The following FRRS1L variants were observed in gnomAD, a reference collection of about 807,000 sequenced individuals.
The protein encoded by FRRS1L is ferric chelate reductase 1 like.
FRRS1L carries 22 observed loss-of-function variants against 28.6 expected under a neutral mutation model. The observed-to-expected ratio is 0.77, with a 90% CI of 0.55 to 1.10. FRRS1L has a LOEUF of 1.10. FRRS1L is among the 50% of genes least tolerant of loss of function. The pLI, the probability that FRRS1L is intolerant of heterozygous loss-of-function variation, is 0.00. For missense variants in FRRS1L, 380 were observed against 386.9 expected (o/e 0.98, Z 0.15); for synonymous variants, 158 against 151.4 (o/e 1.04, Z -0.32).
intron 1 of FRRS1L, among the ~76,000 whole-genome samples, chr9:109,163,454 G>A (rs562939519): frequency 6.6e-6 from 1 of 152,236 alleles, no homozygotes; most frequent in Admixed American, 6.5e-5. Context: ...TTAGACAGTG[G>A]GACCCTCAAA....
Position 109,136,317 on chromosome 9 carries a change from C to T in FRRS1L, c.*1138G>A, listed in dbSNP as rs182868468. 4 of 149,706 alleles carry T rather than the reference C, an allele frequency of 2.7e-5. No individual in the cohort carries two copies. Among genetic ancestry groups the T allele is most frequent in the Admixed American group, 2.0e-4 (3 of 14,964 alleles). 9.3% of individuals were successfully genotyped at this position (149,706 alleles called of 1,614,324 possible). ...AATTCACTGTAACCACAGATGAATA[C>T]CTTAGTTTTATAAAATTCAGTGGTA... On this transcript the variant is annotated 3_prime_UTR_variant, in exon 5 of 5. Coordinates refer to ENST00000561981, the MANE Select transcript of FRRS1L (RefSeq NM_014334.4).
In FRRS1L at chr9:109,167,081, G is replaced by A. The variant is rs2118523590; in HGVS notation, c.58C>T (p.Leu20=). The change falls in exon 1 of 5, where the codon CTG becomes TTG. Residue 20 remains leucine (L), a synonymous_variant. Transcript: ENST00000561981. ...GCTGCGCAGGCGGCGGGCCCCGTCAGTAGCAGCAGGAGCAGCGACGCCCAG... is the reference window on the plus strand; with the variant it reads ...GCTGCGCAGGCGGCGGGCCCCGTCAATAGCAGCAGGAGCAGCGACGCCCAG... ...GVWASLLLLL[L]TGPAACAASP... The A allele has an allele frequency of 1.7e-6, 2 of 1,179,938 alleles. No individual in the cohort carries two copies. The highest frequency in any genetic ancestry group is 1.0e-6 in the Non-Finnish European group (1 of 957,488). The allele number at this position is 1,179,938 out of a possible 1,614,324, so 73.1% of individuals were successfully genotyped here. A position where few individuals can be genotyped will look rare whatever the true frequency, so the allele number is the denominator to read the frequency against.
intron 3 of FRRS1L, 30 bp downstream of exon 3, chr9:109,147,021 A>G: frequency 1.2e-6 from 2 of 1,606,396 alleles, no homozygotes; most frequent in Non-Finnish European, 1.7e-6. Context: ...AAAGAGAAAA[A>G]ATCAGCTTCT....
Position 109,130,612 on chromosome 9 carries a change from T to C in FRRS1L, c.*6843A>G, listed in dbSNP as rs1588093760. 3.3e-5 allele frequency: 5 copies of C among 152,212 alleles called. No homozygotes were observed. The highest frequency in any genetic ancestry group is 3.3e-4 in the Admixed American group (5 of 15,280). 9.4% of individuals were successfully genotyped at this position (152,212 alleles called of 1,614,324 possible). On this transcript the variant is annotated 3_prime_UTR_variant, in exon 5 of 5. Coordinates refer to ENST00000561981, the MANE Select transcript of FRRS1L (RefSeq NM_014334.4). Reference sequence around the variant, plus strand: ...ATCACAAACATTAGGTACACAATTGTTATAAAACAAATATAACCTATCAAT... The same window carrying C: ...ATCACAAACATTAGGTACACAATTGCTATAAAACAAATATAACCTATCAAT...
intron 1 of FRRS1L, among the ~76,000 whole-genome samples, chr9:109,154,644 C>T (rs775028528): frequency 1.4e-4 from 22 of 152,188 alleles, no homozygotes; most frequent in Non-Finnish European, 2.8e-4. Context: ...TCAGTCTATA[C>T]AAAGCCAATC....
Position 109,130,720 on chromosome 9 carries a change from T to C in FRRS1L, c.*6735A>G, listed in dbSNP as rs947896473. The stretch of plus-strand genomic sequence containing the variant: ...TATATTAATACTCCTGGAGCCAGAT[T>C]GTTCCAGCATATCAGCATGTCTGTG... On this transcript the variant is annotated 3_prime_UTR_variant, in exon 5 of 5. Transcript: ENST00000561981. 1 of 152,212 alleles carries C rather than the reference T, an allele frequency of 6.6e-6. No individual in the cohort carries two copies. The highest frequency in any genetic ancestry group is 1.5e-5 in the Non-Finnish European group (1 of 68,036). 9.4% of individuals were successfully genotyped at this position (152,212 alleles called of 1,614,324 possible).
chr9:109,163,557 C>T (rs1831505007), intron 1 of FRRS1L, among the ~76,000 whole-genome samples: 1 of 152,148 alleles, frequency 6.6e-6, no homozygotes, highest in Admixed American at 6.5e-5. Flanking sequence ...CAGCATCCTG[C>T]CTCTGGATTT....
At chr9:109,146,197 C>CAACA (rs137988997) in intron 3 of FRRS1L, among the ~76,000 whole-genome samples, 5,413 of 150,566 alleles carry the variant, frequency 0.036, 333 homozygotes, top group African/African-American at 0.12. Flanking sequence ...AACTCTATCT[C>CAACA]AACAAACAAA....
chr9:109,145,495 C>T (rs142618464), intron 3 of FRRS1L, among the ~76,000 whole-genome samples: 180 of 152,208 alleles, frequency 1.2e-3, no homozygotes, highest in African/African-American at 4.2e-3. Context: ...GCCAGGAGTT[C>T]GAGACCAGCC....
At chr9:109,151,370 T>A (rs1286136954) in intron 1 of FRRS1L, 1 of 153,600 alleles carries the variant, frequency 6.5e-6, no homozygotes, top group Non-Finnish European at 1.4e-5. Flanking sequence ...TCACCTGTAT[T>A]TATAGCCACT....
chr9:109,153,416 T>C lies in FRRS1L; in HGVS notation c.239-3696A>G, dbSNP rs544278800. Among the ~76,000 whole-genome samples the C allele has an allele frequency of 5.3e-5, 8 of 152,302 alleles. No individual in the cohort carries two copies. In the South Asian group the frequency reaches 6.2e-4, roughly 12 times the overall value. On this transcript the variant is annotated intron_variant, in intron 1 of 4. Coordinates refer to ENST00000561981, the MANE Select transcript of FRRS1L (RefSeq NM_014334.4). ...GCAGCTTCCTGGTTGAACACATCGA[T>C]GTGCTGGGAGGGCAATGTGATAATC...
chr9:109,149,592 A>T, intron 2 of FRRS1L, 44 bp downstream of exon 2: 1 of 1,292,018 alleles, frequency 7.7e-7, no homozygotes, highest in South Asian at 1.2e-5. Context: ...TGAGAAGTAA[A>T]TCAGTCTTAG....
Position 109,130,401 on chromosome 9 carries a change from T to C in FRRS1L, c.*7054A>G, listed in dbSNP as rs1831044527. On this transcript the variant is annotated 3_prime_UTR_variant, in exon 5 of 5. Transcript: ENST00000561981. ...AATTAATATATTCTGACTAACATAA[T>C]CATCCAAAGATAAAAGTATTTGTGA... 1 of 152,230 alleles carries C rather than the reference T, an allele frequency of 6.6e-6. No individual in the cohort carries two copies. The highest frequency in any genetic ancestry group is 1.5e-5 in the Non-Finnish European group (1 of 68,050). 9.4% of individuals were successfully genotyped at this position (152,230 alleles called of 1,614,324 possible).
In FRRS1L at chr9:109,166,918, C is replaced by T; in HGVS notation, c.221G>A (p.Arg74His). The stretch of plus-strand genomic sequence containing the variant: ...AGCCTCACCCTCCTCCGACAGGTAG[C>T]GCAGGTCGTAGAACTCCCCCGCGAA... Reference protein sequence around the residue: ...GTFAGEFYDLRYLSEEGYPFP... With the variant: ...GTFAGEFYDLHYLSEEGYPFP... The change falls in exon 1 of 5, where the codon CGC becomes CAC. Residue 74 changes from arginine to histidine, a missense_variant. Coordinates refer to ENST00000561981, the MANE Select transcript of FRRS1L (RefSeq NM_014334.4). 1.5e-6 allele frequency: 2 copies of T among 1,366,402 alleles called. No homozygotes were observed. Among genetic ancestry groups the T allele is most frequent in the Non-Finnish European group, 1.9e-6 (2 of 1,050,368 alleles). The allele number at this position is 1,366,402 out of a possible 1,614,324, so 84.6% of individuals were successfully genotyped here. A position where few individuals can be genotyped will look rare whatever the true frequency, so the allele number is the denominator to read the frequency against.
intron 1 of FRRS1L, among the ~76,000 whole-genome samples, chr9:109,159,496 C>T (rs573332277): frequency 3.9e-5 from 6 of 152,236 alleles, no homozygotes; most frequent in Admixed American, 2.0e-4. Context: ...GAAACCCTGT[C>T]TTTACTAAAA....
rs938646732 is a variant in FRRS1L at position 109,132,940 on chromosome 9, A to C, written c.*4515T>G. 4 of 152,252 alleles carry C rather than the reference A, an allele frequency of 2.6e-5. No individual in the cohort carries two copies. Among genetic ancestry groups the C allele is most frequent in the African/African-American group, 9.6e-5 (4 of 41,464 alleles). The allele number at this position is 152,252 out of a possible 1,614,324, so 9.4% of individuals were successfully genotyped here. On this transcript the variant is annotated 3_prime_UTR_variant, in exon 5 of 5. Transcript: ENST00000561981. Reference sequence around the variant, plus strand: ...GAAAGTTTGCTGACCCCTGGAGTAGAGATAAGAATGACACACAACCTCAGT... The same window carrying C: ...GAAAGTTTGCTGACCCCTGGAGTAGCGATAAGAATGACACACAACCTCAGT...
At chr9:109,154,273 G>C (rs1037717928) in intron 1 of FRRS1L, among the ~76,000 whole-genome samples, 1 of 152,172 alleles carries the variant, frequency 6.6e-6, no homozygotes, top group African/African-American at 2.4e-5. Flanking sequence ...CTTTCCTGAA[G>C]TTATTTTCTG....
In FRRS1L at chr9:109,134,372, TG is replaced by T. The variant is rs1231662967; in HGVS notation, c.*3082del. On this transcript the variant is annotated 3_prime_UTR_variant, in exon 5 of 5. Transcript: ENST00000561981. Reference sequence around the variant, plus strand: ...CCCAATGTGCTATGGGAGCATTTGATGGGGGCCTGGACCTATGTAGTCCAGA... The same window carrying T: ...CCCAATGTGCTATGGGAGCATTTGATGGGGCCTGGACCTATGTAGTCCAGA... 14 of 152,194 alleles carry T rather than the reference TG, an allele frequency of 9.2e-5. No homozygotes were observed. The highest frequency in any genetic ancestry group is 1.5e-5 in the Non-Finnish European group (1 of 68,044). The allele number at this position is 152,194 out of a possible 1,614,324, so 9.4% of individuals were successfully genotyped here. A position where few individuals can be genotyped will look rare whatever the true frequency, so the allele number is the denominator to read the frequency against.
rs1389052289 is a variant in FRRS1L, at chr9:109,152,693, A to G, written c.239-2973T>C. 4.2e-4 allele frequency among the ~76,000 whole-genome samples: 64 copies of G among 150,740 alleles called. 1 individual carries two copies. The highest frequency in any genetic ancestry group is 3.4e-3 in the Middle Eastern group (1 of 290). The stretch of plus-strand genomic sequence containing the variant: ...GTGGTGGGCACCTGTAGTCCCAGCT[A>G]CTCAGGAGGCTGAGGCAGGAGAATG... On this transcript the variant is annotated intron_variant, in intron 1 of 4. Transcript: ENST00000561981.
Sources: allele counts gnomAD v4.1 joint callset (sites outside exome capture counted in the v4.1 genomes callset), GRCh38; gene constraint gnomAD v4.1.1; transcripts MANE v1.5; gene names NCBI Gene and HGNC (gene_info 2026-07-23, HGNC 2026-07-21).